The following TDP1 variants were observed in gnomAD, a reference collection of about 807,000 sequenced individuals.
The protein encoded by TDP1 is tyrosyl-DNA phosphodiesterase 1.
Under a neutral mutation model 81.5 loss-of-function variants are expected in TDP1, and 64 were observed. That is an observed-to-expected ratio of 0.79 (90% CI 0.64 to 0.97). TDP1 has a LOEUF of 0.97. Ranked by LOEUF, TDP1 falls within the 50% of genes least tolerant of loss-of-function variation. TDP1 has a pLI of 0.00. For missense variants in TDP1, 723 were observed against 743.8 expected, an observed-to-expected ratio of 0.97 and a Z score of 0.33; for synonymous variants, 256 against 264.3, an observed-to-expected ratio of 0.97 and a Z score of 0.30.
chr14:89,984,447 A>G, intron 8 of TDP1, 69 bp from the exon 9 acceptor site: 7 of 1,610,576 alleles, frequency 4.3e-6, no homozygotes, highest in South Asian at 1.1e-5. Context: ...GGATGAAGGC[A>G]TAATCGATAC....
In TDP1 at chr14:89,997,011, A is replaced by G. The variant is rs35260928; in HGVS notation, c.1541+3528A>G. Among the ~76,000 whole-genome samples, 15 of 152,378 alleles carry G rather than the reference A, an allele frequency of 9.8e-5. No homozygotes were observed. The East Asian group carries it at 2.1e-3, about 22-fold the overall frequency. ...AGGTTCTCACAGAATTTACATTGGC[A>G]TGAAAGAGATTTACCAAAGAATTCA... is the stretch of plus-strand genomic sequence containing the variant. On this transcript the variant is annotated intron_variant, in intron 14 of 16. Coordinates refer to ENST00000335725, the MANE Select transcript of TDP1 (RefSeq NM_018319.4).
chr14:90,009,990 A>T (rs1189069208), intron 14 of TDP1, among the ~76,000 whole-genome samples: 2 of 152,276 alleles, frequency 1.3e-5, no homozygotes, highest in Non-Finnish European at 2.9e-5. Context: ...TTAACTTCAG[A>T]TGTATCATAT....
intron 15 of TDP1, among the ~76,000 whole-genome samples, chr14:90,025,154 A>G (rs1409775086): frequency 6.6e-6 from 1 of 152,236 alleles, no homozygotes; most frequent in Admixed American, 6.5e-5. Context: ...AGAATGGCAC[A>G]GTGTCACACA....
chr14:89,959,217 T>C (rs759901669), intron 2 of TDP1, among the ~76,000 whole-genome samples: 2 of 152,200 alleles, frequency 1.3e-5, no homozygotes, highest in Non-Finnish European at 2.9e-5. Context: ...TTACAAAAAG[T>C]GTGACTTCAG....
intron 14 of TDP1, among the ~76,000 whole-genome samples, chr14:90,000,154 G>A (rs1897066361): frequency 6.6e-6 from 1 of 152,194 alleles, no homozygotes; most frequent in Non-Finnish European, 1.5e-5. Flanking sequence ...CCTAGGTGCT[G>A]CCCGTGGTGG....
rs897108099 is a variant in TDP1, at chr14:89,966,023, T to A, written c.560-124T>A. On this transcript the variant is annotated intron_variant, in intron 3 of 16. Transcript: ENST00000335725. ...CATTAAAGTCTGACTTTGTAGTAAC[T>A]GTTTAGCTTACTGTGTTCTGAGTCA... 6.1e-6 allele frequency: 6 copies of A among 980,586 alleles called. No individual in the cohort carries two copies. In the African/African-American group the frequency reaches 9.7e-5, roughly 16 times the overall value. 60.7% of individuals were successfully genotyped at this position (980,586 alleles called of 1,614,324 possible).
At chr14:90,014,301 C>T (rs1169197705) in intron 14 of TDP1, among the ~76,000 whole-genome samples, 8 of 152,166 alleles carry the variant, frequency 5.3e-5, no homozygotes, top group African/African-American at 1.9e-4. Flanking sequence ...CTTTACATAT[C>T]ACTTGTGAAA....
intron 2 of TDP1, 23 bp from the exon 3 acceptor site, chr14:89,963,085 A>T: frequency 6.2e-7 from 1 of 1,614,104 alleles, no homozygotes; most frequent in Non-Finnish European, 8.5e-7. Flanking sequence ...GGAAATGCTG[A>T]TGTTTCCACT....
chr14:89,998,889 C>A (rs1364504081), intron 14 of TDP1, among the ~76,000 whole-genome samples: 1 of 151,956 alleles, frequency 6.6e-6, no homozygotes, highest in Non-Finnish European at 1.5e-5. Flanking sequence ...ATTACCGTTT[C>A]TTTGATGTCT....
chr14:89,982,982 A>C (rs1895163940), intron 8 of TDP1: 1 of 375,762 alleles, frequency 2.7e-6, no homozygotes, highest in South Asian at 2.1e-5. Flanking sequence ...AGTTGCATCC[A>C]AAGCTCACAG....
intron 15 of TDP1, among the ~76,000 whole-genome samples, chr14:90,028,140 G>A (rs1438193154): frequency 1.3e-5 from 2 of 152,178 alleles, no homozygotes; most frequent in African/African-American, 4.8e-5. Flanking sequence ...TAAGCCCCTA[G>A]CTGGAAGCAC....
At chr14:90,008,856 A>C (rs1884361731) in intron 14 of TDP1, among the ~76,000 whole-genome samples, 1 of 152,128 alleles carries the variant, frequency 6.6e-6, no homozygotes. Context: ...CTGCAGGTGC[A>C]CACCACCCTG....
At chr14:90,037,798 A>G (rs1420448904) in intron 16 of TDP1, among the ~76,000 whole-genome samples, 1 of 152,242 alleles carries the variant, frequency 6.6e-6, no homozygotes. Flanking sequence ...ACTGTATTCA[A>G]ATTTCATCAG....
chr14:90,019,291 CCTAT>C, intron 14 of TDP1, 21 bp from the exon 15 acceptor site: 2 of 1,503,822 alleles, frequency 1.3e-6, no homozygotes, highest in Non-Finnish European at 1.9e-6. Context: ...CTGAGTCAGC[CCTAT>C]CTGTGTCCTT....
In TDP1 at chr14:89,966,159, C is replaced by T. The variant is rs1555383437; in HGVS notation, c.572C>T (p.Pro191Leu). The change falls in exon 4 of 17, where the codon CCT becomes CTT. Residue 191 changes from proline to leucine, a missense_variant. By Grantham distance (98) the Pro-to-Leu change is moderately conservative (BLOSUM62 -3). Coordinates refer to ENST00000335725, the MANE Select transcript of TDP1 (RefSeq NM_018319.4). ...GALHIKDILS[P>L]LFGTLVSSAQ... The stretch of plus-strand genomic sequence containing the variant: ...TTTGTCTTCTCAGATATTTTATCTC[C>T]TTTATTTGGGACGCTTGTTTCTTCA... 6.2e-7 allele frequency: 1 copy of T among 1,605,886 alleles called. No homozygotes were observed. Among genetic ancestry groups the T allele is most frequent in the African/African-American group, 1.3e-5 (1 of 74,874 alleles).
At chr14:90,008,365 C>T (rs1246317695) in intron 14 of TDP1, among the ~76,000 whole-genome samples, 4 of 152,152 alleles carry the variant, frequency 2.6e-5, no homozygotes, top group African/African-American at 7.2e-5. Flanking sequence ...TTTAATTCAT[C>T]AGTAGAGTTT....
intron 14 of TDP1, among the ~76,000 whole-genome samples, chr14:90,006,593 A>G (rs1467908730): frequency 1.3e-5 from 2 of 151,776 alleles, no homozygotes; most frequent in Non-Finnish European, 2.9e-5. Flanking sequence ...CTGGAGTCCA[A>G]TGGCATGATC....
At chr14:90,030,301 G>C (rs1460631291) in intron 15 of TDP1, among the ~76,000 whole-genome samples, 1 of 152,192 alleles carries the variant, frequency 6.6e-6, no homozygotes, top group African/African-American at 2.4e-5. Context: ...GTGCTTTGCT[G>C]ACCCTGCCTT....
At position 90,044,481 on chromosome 14, in the gene TDP1, A is replaced by G. The variant is rs1487958619; in HGVS notation, c.*1338A>G. 6.6e-6 allele frequency: 1 copy of G among 152,210 alleles called. No homozygotes were observed. The highest frequency in any genetic ancestry group is 1.5e-5 in the Non-Finnish European group (1 of 68,046). The allele number at this position is 152,210 out of a possible 1,614,324, so 9.4% of individuals were successfully genotyped here. On this transcript the variant is annotated 3_prime_UTR_variant, in exon 17 of 17. Coordinates refer to ENST00000335725, the MANE Select transcript of TDP1 (RefSeq NM_018319.4). ...CTCTTTATCTTATAATTTAGGATAG[A>G]GTTGAACGTTAGTCTTGAAAGATTT...
Sources: gnomAD v4.1 joint callset for allele counts (sites outside exome capture counted in the v4.1 genomes callset) on GRCh38, gnomAD v4.1.1 for gene constraint, MANE v1.5 for transcripts, NCBI Gene and HGNC (gene_info 2026-07-23, HGNC 2026-07-21) for gene names.